The following ZKSCAN3 variants were observed in gnomAD, a reference collection of about 807,000 sequenced individuals.
ZKSCAN3 encodes zinc finger protein with KRAB and SCAN domains 3.
A neutral mutation model predicts 30.7 loss-of-function variants in ZKSCAN3; 21 were observed. The observed-to-expected ratio is 0.68, with a 90% confidence interval of 0.49 to 0.99. The LOEUF (loss-of-function observed/expected upper bound fraction) is 0.99, where lower values mean the gene tolerates loss of function less well. Among genes scored for constraint, ZKSCAN3 ranks in the 50% least tolerant of loss-of-function variants. The pLI, the probability that ZKSCAN3 is intolerant of heterozygous loss-of-function variation, is 0.00. For missense variants in ZKSCAN3, 507 were observed against 647.1 expected, an observed-to-expected ratio of 0.78 and a Z score of 2.35; for synonymous variants, 201 against 246.7, an observed-to-expected ratio of 0.81 and a Z score of 1.73.
At chr6:28,362,701 A>G (rs1486038857) in intron 3 of ZKSCAN3, among the ~76,000 whole-genome samples, 2 of 152,202 alleles carry the variant, frequency 1.3e-5, no homozygotes, top group Non-Finnish European at 2.9e-5. Context: ...ATAAGGAATA[A>G]TAAGGAAACC....
intron 1 of ZKSCAN3, among the ~76,000 whole-genome samples, chr6:28,358,360 A>G (rs1019670604): frequency 6.6e-6 from 1 of 152,132 alleles, no homozygotes; most frequent in African/African-American, 2.4e-5. Flanking sequence ...TCTCTTGTAC[A>G]CTTTAAATCA....
At position 28,359,674 on chromosome 6, in the gene ZKSCAN3, G is replaced by A. The variant is rs1425809598; in HGVS notation, c.88G>A (p.Glu30Lys). 2.5e-6 allele frequency: 4 copies of A among 1,614,104 alleles called. No homozygotes were observed. Among genetic ancestry groups the A allele is most frequent in the Admixed American group, 1.7e-5 (1 of 60,000 alleles). Reference protein sequence around the residue: ...MELLVIKVEEEEAGFPSSPDL... With the variant: ...MELLVIKVEEKEAGFPSSPDL... ...GCTTCTGGTCATAAAGGTGGAGGAA[G>A]AAGAAGCCGGTTTTCCCAGTAGCCC... The change falls in exon 2 of 6, where the codon GAA becomes AAA. Residue 30 changes from glutamate to lysine, a missense_variant. Coordinates refer to ENST00000252211, the MANE Select transcript of ZKSCAN3 (RefSeq NM_024493.4).
intron 1 of ZKSCAN3, among the ~76,000 whole-genome samples, chr6:28,354,609 G>C (rs758384030): frequency 6.6e-6 from 1 of 152,226 alleles, no homozygotes; most frequent in Non-Finnish European, 1.5e-5. Flanking sequence ...CTGGGCACTT[G>C]GGCCACAGTA....
chr6:28,353,216 C>A (rs532596448), intron 1 of ZKSCAN3: 7 of 152,860 alleles, frequency 4.6e-5, no homozygotes, highest in African/African-American at 1.7e-4. Flanking sequence ...ATGTGCCCAC[C>A]TCAGCCTCCC....
rs760177769 is a variant in ZKSCAN3 at position 28,363,348 on chromosome 6, A to T, written c.596A>T (p.Asp199Val). 1.2e-6 allele frequency: 2 copies of T among 1,614,050 alleles called. No homozygotes were observed. The highest frequency in any genetic ancestry group is 2.2e-5 in the East Asian group (1 of 44,878). The change falls in exon 4 of 6, where the codon GAT becomes GTT. Residue 199 changes from aspartate (D) to valine (V), a missense_variant. Asp to Val is a radical substitution (Grantham distance 152, BLOSUM62 -3). Transcript: ENST00000252211. ...GCCCATGGAGGATGCTGCAGAGAAG[A>T]TAAAGTGGTAGCTTCTAGGCTTACT... ...VLAHGGCCRE[D>V]KVVASRLTPE...
rs1422406252 is a variant in ZKSCAN3, at chr6:28,359,926, G to T, written c.340G>T (p.Gly114Trp). 1.2e-6 allele frequency: 2 copies of T among 1,614,124 alleles called. No individual in the cohort carries two copies. The highest frequency in any genetic ancestry group is 1.1e-5 in the South Asian group (1 of 91,088). ...SWVREQHPESGEEVVVLLEYL... is the reference protein window; with the variant it reads ...SWVREQHPESWEEVVVLLEYL... The stretch of plus-strand genomic sequence containing the variant: ...GGTGCGGGAGCAGCATCCAGAGAGC[G>T]GGGAGGAGGTGGTGGTGCTATTGGA... Residue 114 changes from glycine (G) to tryptophan (W), a missense_variant, in exon 2 of 6, where the codon GGG becomes TGG. Physicochemically the swap from Gly to Trp is radical, Grantham distance 184 (BLOSUM62 -2). Transcript: ENST00000252211.
Position 28,365,756 on chromosome 6 carries a change from T to C in ZKSCAN3, c.1088T>C (p.Val363Ala). The change falls in exon 6 of 6, where the codon GTC becomes GCC. Residue 363 changes from valine to alanine, a missense_variant. Physicochemically the swap from Val to Ala is moderately conservative, Grantham distance 64. Coordinates refer to ENST00000252211, the MANE Select transcript of ZKSCAN3 (RefSeq NM_024493.4). The part of the protein sequence containing the change: ...GSSALVIHQR[V>A]HTGEKPYECE... ...TCTGCCCTTGTCATTCATCAGAGAG[T>C]CCACACTGGTGAGAAGCCATATGAG... The C allele has an allele frequency of 6.2e-7, 1 of 1,613,446 alleles. No individual in the cohort carries two copies. The highest frequency in any genetic ancestry group is 8.5e-7 in the Non-Finnish European group (1 of 1,179,794).
At chr6:28,353,372 C>G (rs1397700262) in intron 1 of ZKSCAN3, 1 of 154,842 alleles carries the variant, frequency 6.5e-6, no homozygotes, top group Non-Finnish European at 1.4e-5. Flanking sequence ...AGTTTAAAAT[C>G]TAGTCCCAGC....
chr6:28,365,528 A>G lies in ZKSCAN3; in HGVS notation c.860A>G (p.Gln287Arg), dbSNP rs1765924978. The G allele has an allele frequency of 2.5e-6, 4 of 1,614,262 alleles. No homozygotes were observed. The highest frequency in any genetic ancestry group is 3.4e-6 in the Non-Finnish European group (4 of 1,180,048). Residue 287 changes from glutamine to arginine, a missense_variant, in exon 6 of 6, where the codon CAG becomes CGG. Physicochemically the swap from Gln to Arg is conservative, Grantham distance 43. Coordinates refer to ENST00000252211, the MANE Select transcript of ZKSCAN3 (RefSeq NM_024493.4). ...TGCCACCTGAGAGAAGACATTGCCC[A>G]GATTCCTACATGTGCAGAAGCTGGT... ...ISCHLREDIAQIPTCAEAGEQ... is the reference protein window; with the variant it reads ...ISCHLREDIARIPTCAEAGEQ...
At chr6:28,361,191 C>T (rs1765752886) in intron 2 of ZKSCAN3, 133 bp from the exon 3 acceptor site, 1 of 972,458 alleles carries the variant, frequency 1.0e-6, no homozygotes, top group African/African-American at 1.7e-5. Context: ...AATAATACCT[C>T]CCTTATAAGA....
intron 1 of ZKSCAN3, among the ~76,000 whole-genome samples, chr6:28,357,395 C>T (rs990211242): frequency 1.3e-5 from 2 of 152,196 alleles, no homozygotes; most frequent in African/African-American, 4.8e-5. Flanking sequence ...TTTTGACGAC[C>T]TCAGGAAACC....
chr6:28,353,153 G>A (rs1044160328), intron 1 of ZKSCAN3, among the ~76,000 whole-genome samples: 1 of 151,962 alleles, frequency 6.6e-6, no homozygotes, highest in Non-Finnish European at 1.5e-5. Flanking sequence ...ATTTTTAGTA[G>A]AGACGGGGTT....
intron 3 of ZKSCAN3, 94 bp from the exon 4 acceptor site, chr6:28,363,209 G>A: frequency 9.8e-6 from 11 of 1,119,304 alleles, no homozygotes; most frequent in Non-Finnish European, 1.4e-5. Context: ...AAGTGAGACA[G>A]GAATCTATTA....
rs185144942 is a variant in ZKSCAN3, at chr6:28,351,909, C to T, written c.-63+1842C>T. Reference sequence around the variant, plus strand: ...ATATAATCATAGTATCATGATCACACGCAAAAAAATTGACAATAATTCCTT... The same window carrying T: ...ATATAATCATAGTATCATGATCACATGCAAAAAAATTGACAATAATTCCTT... On this transcript the variant is annotated intron_variant, in intron 1 of 5. Transcript: ENST00000252211. The surrounding 1 kb of genome is among the most constrained non-coding windows in gnomAD (Gnocchi z 4.6). Among the ~76,000 whole-genome samples the T allele has an allele frequency of 1.4e-4, 21 of 151,986 alleles. 1 individual carries two copies. In the East Asian group the frequency reaches 2.7e-3, roughly 20 times the overall value.
At chr6:28,349,915 G>C (rs1764853839), upstream of ZKSCAN3, 1 of 152,240 alleles carries the variant, frequency 6.6e-6, no homozygotes, top group Admixed American at 6.5e-5. The surrounding 1 kb of genome is among the most constrained non-coding windows in gnomAD (Gnocchi z 4.1). Context: ...AGGCCCGGAA[G>C]TGGCTTCTGT....
intron 1 of ZKSCAN3, chr6:28,353,978 A>C: frequency 2.2e-6 from 1 of 454,716 alleles, no homozygotes; most frequent in Non-Finnish European, 4.4e-6. Flanking sequence ...ATATGATTTT[A>C]TTCAGCAGCA....
At position 28,359,947 on chromosome 6, in the gene ZKSCAN3, T is replaced by C. The variant is rs770297945; in HGVS notation, c.361T>C (p.Leu121=). ...GAGCGGGGAGGAGGTGGTGGTGCTA[T>C]TGGAGTATTTGGAGAGGCAGCTGGA... ...PESGEEVVVL[L]EYLERQLDEP... The change falls in exon 2 of 6, where the codon TTG becomes CTG. Residue 121 remains leucine (L), a synonymous_variant. Transcript: ENST00000252211. 256 of 1,613,978 alleles carry C rather than the reference T, an allele frequency of 1.6e-4. No homozygotes were observed. The highest frequency in any genetic ancestry group is 2.1e-4 in the Non-Finnish European group (253 of 1,180,004).
intron 4 of ZKSCAN3, 123 bp downstream of exon 4, chr6:28,363,508 A>T: frequency 7.9e-7 from 1 of 1,263,860 alleles, no homozygotes. Flanking sequence ...CTCAAATGGG[A>T]TCTGCATTTT....
intron 1 of ZKSCAN3, among the ~76,000 whole-genome samples, chr6:28,353,005 C>T (rs1765159424): frequency 6.7e-6 from 1 of 148,706 alleles, no homozygotes; most frequent in African/African-American, 2.5e-5. Context: ...GCTCTGTTGC[C>T]AGGCTGGAGT....
Sources: allele counts gnomAD v4.1 joint callset (sites outside exome capture counted in the v4.1 genomes callset), GRCh38; gene constraint gnomAD v4.1.1; non-coding constraint Gnocchi (gnomAD v3.1); transcripts MANE v1.5; gene names NCBI Gene and HGNC (gene_info 2026-07-23, HGNC 2026-07-21).